SPG11: variants seen among roughly 807,000 people sequenced by gnomAD.
The protein encoded by SPG11 is SPG11 vesicle trafficking associated, spatacsin, also known as spatacsin.
In SPG11, 222 loss-of-function variants were observed where a neutral mutation model predicts 274.0. The observed-to-expected ratio is 0.81, with a 90% CI of 0.73 to 0.91. The LOEUF is 0.91. SPG11 is among the 40% of genes least tolerant of loss of function. SPG11 has a pLI of 0.00. For synonymous variants in SPG11, 1,144 were observed against 1,039.7 expected (o/e 1.10, Z -1.93); for missense variants, 3,114 against 2,872.7 (o/e 1.08, Z -1.92).
In SPG11 at chr15:44,648,872, T is replaced by C; in HGVS notation, c.1596A>G (p.Ala532=). 1.2e-6 allele frequency: 2 copies of C among 1,614,138 alleles called. No individual in the cohort carries two copies. The highest frequency in any genetic ancestry group is 4.5e-5 in the East Asian group (2 of 44,860). ...GGGCATTTAATTCTGTTACCTCTAG[T>C]GCATGTATGGGAATTGAGCACCTTC... is the stretch of plus-strand genomic sequence containing the variant. The part of the protein sequence containing the change: ...GWGRCSIPIH[A]LEAGIENRQL... Residue 532 remains alanine, a synonymous_variant, in exon 7 of 40, where the codon GCA becomes GCG. Transcript: ENST00000261866.
intron 21 of SPG11, among the ~76,000 whole-genome samples, chr15:44,599,538 T>TCCAC (rs1201437717): frequency 6.6e-6 from 1 of 152,142 alleles, no homozygotes; most frequent in African/African-American, 2.4e-5. Flanking sequence ...GAGGTTGTGA[T>TCCAC]CCGCCCACCT....
chr15:44,617,522 A>G (rs547058470), intron 15 of SPG11, among the ~76,000 whole-genome samples: 1 of 152,298 alleles, frequency 6.6e-6, no homozygotes, highest in East Asian at 1.9e-4. Flanking sequence ...GTCATATGTA[A>G]AATGATCATA....
chr15:44,628,518 T>C, intron 10 of SPG11, 151 bp downstream of exon 10: 3 of 742,398 alleles, frequency 4.0e-6, no homozygotes, highest in Non-Finnish European at 2.3e-6. Flanking sequence ...TTTGAAGTCA[T>C]AATCAGAAAT....
In SPG11 at chr15:44,651,594, G is replaced by T; in HGVS notation, c.1353C>A (p.Thr451=). 6.2e-7 allele frequency: 1 copy of T among 1,614,160 alleles called. No individual in the cohort carries two copies. Among genetic ancestry groups the T allele is most frequent in the Non-Finnish European group, 8.5e-7 (1 of 1,180,022 alleles). Residue 451 remains threonine (T), a synonymous_variant, in exon 6 of 40, where the codon ACC becomes ACA. Coordinates refer to ENST00000261866, the MANE Select transcript of SPG11 (RefSeq NM_025137.4). ...WEVERMGYTI[T]LWDLETQGMQ... Reference sequence around the variant, plus strand: ...TGCCCTGGGTCTCCAAATCCCAGAGGGTAATGGTATAGCCCATCCTTTCCA... The same window carrying T: ...TGCCCTGGGTCTCCAAATCCCAGAGTGTAATGGTATAGCCCATCCTTTCCA...
intron 7 of SPG11, among the ~76,000 whole-genome samples, chr15:44,644,533 T>C (rs2141087682): frequency 6.6e-6 from 1 of 152,260 alleles, no homozygotes; most frequent in South Asian, 2.1e-4. Context: ...ATGTCTACTC[T>C]CACCACTCCT....
chr15:44,636,586 T>C (rs2084260742), intron 7 of SPG11, among the ~76,000 whole-genome samples: 1 of 149,922 alleles, frequency 6.7e-6, no homozygotes, highest in Non-Finnish European at 1.5e-5. Flanking sequence ...AGCGTGAACC[T>C]GGGCGGCGGA....
chr15:44,571,500 T>C (rs1004763340), intron 33 of SPG11, among the ~76,000 whole-genome samples: 27 of 147,434 alleles, frequency 1.8e-4, no homozygotes, highest in African/African-American at 3.7e-4. Context: ...TCTTTTCTTT[T>C]TTTTTTTTTT....
At position 44,596,182 on chromosome 15, in the gene SPG11, C is replaced by T. The variant is rs1349066857; in HGVS notation, c.4335G>A (p.Leu1445=). 2 of 1,614,034 alleles carry T rather than the reference C, an allele frequency of 1.2e-6. No individual in the cohort carries two copies. The highest frequency in any genetic ancestry group is 2.7e-5 in the African/African-American group (2 of 74,924). Residue 1445 remains leucine (L), a synonymous_variant, in exon 25 of 40, where the codon CTG becomes CTA. Coordinates refer to ENST00000261866, the MANE Select transcript of SPG11 (RefSeq NM_025137.4). The part of the protein sequence containing the change: ...KQEMTDLFEI[L]LQCSEEPDSW... ...AGTCTGGCTCCTCTGAGCATTGGAG[C>T]AGAATTTCAAATAAATCGGTCATCT...
intron 32 of SPG11, 39 bp from the exon 33 acceptor site, chr15:44,572,859 TAAG>T: frequency 6.2e-7 from 1 of 1,612,352 alleles, no homozygotes; most frequent in Non-Finnish European, 8.5e-7. Flanking sequence ...TGGTTTTATC[TAAG>T]AGAGGCCCAC....
intron 7 of SPG11, among the ~76,000 whole-genome samples, chr15:44,648,447 A>T (rs2084666246): frequency 6.8e-6 from 1 of 146,184 alleles, no homozygotes; most frequent in South Asian, 2.3e-4. Context: ...TGGGAGGCGG[A>T]GGTTGCAGTG....
chr15:44,565,842 T>C lies in SPG11; in HGVS notation c.6999+12A>G. The C allele has an allele frequency of 6.2e-7, 1 of 1,614,050 alleles. No homozygotes were observed. Among genetic ancestry groups the C allele is most frequent in the Non-Finnish European group, 8.5e-7 (1 of 1,180,014 alleles). The stretch of plus-strand genomic sequence containing the variant: ...GCTAGCAGTGCTGGCTACAGTTTGC[T>C]TTCTTGCTCACCTGGTAGAACCGAG... On this transcript the variant is annotated intron_variant, in intron 38 of 39. Transcript: ENST00000261866.
intron 15 of SPG11, among the ~76,000 whole-genome samples, chr15:44,619,957 C>G (rs1359914526): frequency 6.6e-6 from 1 of 152,154 alleles, no homozygotes; most frequent in Non-Finnish European, 1.5e-5. Flanking sequence ...CTCAGGTGAT[C>G]TGCCCGCCTT....
chr15:44,618,594 GAAC>G (rs2083655622), intron 15 of SPG11, among the ~76,000 whole-genome samples: 2 of 150,512 alleles, frequency 1.3e-5, no homozygotes, highest in Admixed American at 1.3e-4. Flanking sequence ...GAGGCGGGCA[GAAC>G]ACGAGGTCAG....
intron 29 of SPG11, among the ~76,000 whole-genome samples, 162 bp downstream of exon 29, chr15:44,585,474 C>T (rs1007146981): frequency 2.7e-5 from 4 of 149,134 alleles, no homozygotes; most frequent in Admixed American, 1.3e-4. Context: ...TGGTGGTGGG[C>T]ACCTGTAGTC....
In SPG11 at chr15:44,628,780, G is replaced by T; in HGVS notation, c.1956C>A (p.Thr652=). The T allele has an allele frequency of 6.2e-7, 1 of 1,613,640 alleles. No homozygotes were observed. Among genetic ancestry groups the T allele is most frequent in the African/African-American group, 1.3e-5 (1 of 75,014 alleles). ...GCTTCCAAGGAAACTTTATCATGAA[G>T]GTTCGAAGTTCATTAATGTAGCTAG... ...ILTSYINELR[T]FMIKFPWKLT... is the part of the protein sequence containing the mutation. The change falls in exon 10 of 40, where the codon ACC becomes ACA. Residue 652 remains threonine, a synonymous_variant. Transcript: ENST00000261866.
At chr15:44,568,839 CAG>C (rs2082358972) in intron 35 of SPG11, among the ~76,000 whole-genome samples, 2 of 152,122 alleles carry the variant, frequency 1.3e-5, no homozygotes, top group South Asian at 2.1e-4. Context: ...AGGCAGGAGA[CAG>C]AGGCTGAGGT....
chr15:44,628,900 AG>A, intron 9 of SPG11, 56 bp from the exon 10 acceptor site: 3 of 1,498,310 alleles, frequency 2.0e-6, no homozygotes, highest in Non-Finnish European at 2.8e-6. Flanking sequence ...ATAAACCATG[AG>A]CTGTTATAAA....
chr15:44,651,835 GACT>G lies in SPG11; in HGVS notation c.1109_1111del (p.Glu370_Ser371delinsAla). 1 of 1,613,922 alleles carries G rather than the reference GACT, an allele frequency of 6.2e-7. No homozygotes were observed. Among genetic ancestry groups the G allele is most frequent in the Non-Finnish European group, 8.5e-7 (1 of 1,179,972 alleles). On this transcript the variant is annotated inframe_deletion, in exon 6 of 40. Coordinates refer to ENST00000261866, the MANE Select transcript of SPG11 (RefSeq NM_025137.4). Reference sequence around the variant, plus strand: ...TGTACTGTGGTTACCAGATTCAGGTGACTCCAAATGCAAAATATCCTGGAACCA... The same window carrying G: ...TGTACTGTGGTTACCAGATTCAGGTGCCAAATGCAAAATATCCTGGAACCA...
Position 44,600,453 on chromosome 15 carries a change from T to A in SPG11, c.3686+14A>T. ...ACCACTGTACCCAGACAAAATTATA[T>A]TTTAAATACTCACAGCTGCTTGGGA... On this transcript the variant is annotated intron_variant, in intron 21 of 39. Transcript: ENST00000261866. 6.2e-7 allele frequency: 1 copy of A among 1,613,730 alleles called. No homozygotes were observed. The highest frequency in any genetic ancestry group is 8.5e-7 in the Non-Finnish European group (1 of 1,179,784).
Sources: gnomAD v4.1 joint callset for allele counts (sites outside exome capture counted in the v4.1 genomes callset) on GRCh38, gnomAD v4.1.1 for gene constraint, MANE v1.5 for transcripts, NCBI Gene and HGNC (gene_info 2026-07-23, HGNC 2026-07-21) for gene names.